ANKRD17: variants seen among roughly 807,000 people sequenced by gnomAD.
ANKRD17 encodes ankyrin repeat domain-containing protein 17.
ANKRD17 carries 19 observed loss-of-function variants against 229.7 expected under a neutral mutation model. The observed-to-expected ratio is 0.08, with a 90% CI of 0.06 to 0.12. ANKRD17 has a LOEUF of 0.12. Ranked by LOEUF, ANKRD17 falls within the 10% of genes least tolerant of loss-of-function variation. ANKRD17 has a pLI of 1.00. For synonymous variants in ANKRD17, 1,112 were observed against 1,146.1 expected (o/e 0.97, Z 0.60); for missense variants, 2,176 against 3,176.8 (o/e 0.68, Z 7.57).
intron 1 of ANKRD17, among the ~76,000 whole-genome samples, chr4:73,235,995 C>T (rs535908848): frequency 7.9e-5 from 12 of 152,060 alleles, no homozygotes; most frequent in Non-Finnish European, 1.5e-4. Flanking sequence ...TGAGCCACCA[C>T]GCCCAACCAT....
At chr4:73,202,009 A>C (rs1738733390) in intron 1 of ANKRD17, among the ~76,000 whole-genome samples, 3 of 152,186 alleles carry the variant, frequency 2.0e-5, no homozygotes, top group Admixed American at 2.0e-4. Flanking sequence ...CTAAACAGAA[A>C]GGGCTACAAA....
intron 24 of ANKRD17, among the ~76,000 whole-genome samples, chr4:73,108,893 T>C (rs1174625867): frequency 6.6e-6 from 1 of 152,106 alleles, no homozygotes. Flanking sequence ...CTGATGAGAA[T>C]GATTCAAGAG....
chr4:73,198,364 G>T (rs1738180088), intron 1 of ANKRD17, among the ~76,000 whole-genome samples: 1 of 152,008 alleles, frequency 6.6e-6, no homozygotes, highest in African/African-American at 2.4e-5. Context: ...TTGGTATACT[G>T]CAAAGTATAC....
chr4:73,097,987 C>T (rs1306946719), intron 26 of ANKRD17, 86 bp downstream of exon 26: 20 of 1,337,824 alleles, frequency 1.5e-5, no homozygotes, highest in Non-Finnish European at 2.0e-5. Flanking sequence ...TTGCAAGTTG[C>T]AAATTTACTT....
chr4:73,125,003 T>G lies in ANKRD17; in HGVS notation c.3402A>C (p.Ile1134=), dbSNP rs1323533306. ...ATAGHVGVVE[I]LLDNGADIEA... Reference sequence around the variant, plus strand: ...CAATGTCTGCACCATTGTCCAGCAATATTTCCACAACACCAACATGACCAG... The same window carrying G: ...CAATGTCTGCACCATTGTCCAGCAAGATTTCCACAACACCAACATGACCAG... The change falls in exon 18 of 34, where the codon ATA becomes ATC. Residue 1134 remains isoleucine, a synonymous_variant. Transcript: ENST00000358602. The G allele has an allele frequency of 7.4e-6, 12 of 1,614,048 alleles. No individual in the cohort carries two copies. The highest frequency in any genetic ancestry group is 9.3e-6 in the Non-Finnish European group (11 of 1,180,034).
intron 24 of ANKRD17, 77 bp downstream of exon 24, chr4:73,113,715 G>A (rs1030119158): frequency 2.6e-5 from 29 of 1,126,408 alleles, no homozygotes; most frequent in Non-Finnish European, 3.7e-5. Context: ...AAAACAAAAA[G>A]ACGGATTACA....
At position 73,073,661 on chromosome 4, in the gene ANKRD17, G is replaced by T. The variant is rs1720848053; in HGVS notation, c.*2570C>A. On this transcript the variant is annotated 3_prime_UTR_variant, in exon 34 of 34. Coordinates refer to ENST00000358602, the MANE Select transcript of ANKRD17 (RefSeq NM_032217.5). ...TTAATTTTCATGTATCAATAAAAAT[G>T]ACTTGACTTTTCAGTAATGGGAAAT... 6.6e-6 allele frequency: 1 copy of T among 152,104 alleles called. No individual in the cohort carries two copies. The highest frequency in any genetic ancestry group is 1.9e-4 in the East Asian group (1 of 5,186). 9.4% of individuals were successfully genotyped at this position (152,104 alleles called of 1,614,324 possible). A position where few individuals can be genotyped will look rare whatever the true frequency, so the allele number is the denominator to read the frequency against.
intron 14 of ANKRD17, 35 bp from the exon 15 acceptor site, chr4:73,140,318 T>C: frequency 2.0e-6 from 3 of 1,537,034 alleles, no homozygotes; most frequent in Non-Finnish European, 2.6e-6. Context: ...GAAGTGCACA[T>C]GAATGGCATC....
At position 73,177,178 on chromosome 4, in the gene ANKRD17, A is replaced by C. The variant is rs191393442; in HGVS notation, c.547+202T>G. ...CTCTCTTTGTAAGGTCAACTGTAGC[A>C]CATGGACTTTACTCTGGTAATGAAA... On this transcript the variant is annotated intron_variant, in intron 2 of 33. Coordinates refer to ENST00000358602, the MANE Select transcript of ANKRD17 (RefSeq NM_032217.5). Among the ~76,000 whole-genome samples the C allele has an allele frequency of 5.0e-3, 757 of 152,356 alleles. 2 individuals carry two copies. Among genetic ancestry groups the C allele is most frequent in the Admixed American group, 8.6e-3 (132 of 15,284 alleles).
intron 25 of ANKRD17, chr4:73,100,839 A>AACAC (rs569865613): frequency 2.5e-5 from 25 of 983,488 alleles, no homozygotes; most frequent in Non-Finnish European, 3.0e-5. Context: ...AACAAAACAA[A>AACAC]ACACACACAC....
chr4:73,085,144 A>G (rs1721986406), intron 30 of ANKRD17, 105 bp downstream of exon 30: 4 of 1,264,698 alleles, frequency 3.2e-6, no homozygotes, highest in Non-Finnish European at 4.4e-6. Flanking sequence ...TTCTAAGAGT[A>G]CAAATTACCT....
At chr4:73,080,433 G>T (rs948428085) in intron 30 of ANKRD17, among the ~76,000 whole-genome samples, 3 of 152,152 alleles carry the variant, frequency 2.0e-5, no homozygotes, top group Admixed American at 6.5e-5. Flanking sequence ...AGAAGTAAAA[G>T]AATATTTTAG....
intron 29 of ANKRD17, among the ~76,000 whole-genome samples, chr4:73,089,829 G>A (rs1305722386): frequency 1.3e-5 from 2 of 152,066 alleles, no homozygotes; most frequent in African/African-American, 4.8e-5. Flanking sequence ...TGTCCAATAT[G>A]GTAGCTACCA....
At chr4:73,185,443 A>C (rs1426899983) in intron 1 of ANKRD17, among the ~76,000 whole-genome samples, 1 of 151,990 alleles carries the variant, frequency 6.6e-6, no homozygotes, top group Non-Finnish European at 1.5e-5. Flanking sequence ...ATTTTAAAAC[A>C]AATAATCCCC....
At chr4:73,151,380 C>T (rs1325277985) in intron 7 of ANKRD17, 50 bp downstream of exon 7, 1 of 1,550,332 alleles carries the variant, frequency 6.5e-7, no homozygotes, top group Admixed American at 1.7e-5. Flanking sequence ...ACTACTCTGT[C>T]TCTCCCTGGT....
At chr4:73,120,117 T>C (rs1337034671) in intron 21 of ANKRD17, 45 bp downstream of exon 21, 1 of 1,552,694 alleles carries the variant, frequency 6.4e-7, no homozygotes, top group South Asian at 1.1e-5. Flanking sequence ...TGATAACCAC[T>C]AGTAACACTT....
chr4:73,191,961 T>A (rs1243919638), intron 1 of ANKRD17, among the ~76,000 whole-genome samples: 1 of 152,040 alleles, frequency 6.6e-6, no homozygotes. Flanking sequence ...AGACTATAAA[T>A]AACCCATATA....
In ANKRD17 at chr4:73,177,450, A is replaced by C; in HGVS notation, c.477T>G (p.Ala159=). The C allele has an allele frequency of 6.2e-7, 1 of 1,613,862 alleles. No homozygotes were observed. The highest frequency in any genetic ancestry group is 8.5e-7 in the Non-Finnish European group (1 of 1,179,784). Residue 159 remains alanine (A), a synonymous_variant, in exon 2 of 34, where the codon GCT becomes GCG. Coordinates refer to ENST00000358602, the MANE Select transcript of ANKRD17 (RefSeq NM_032217.5). ...TASKLLLSGT[A]DGADLRTVDP... ...CTACTGTCCTGAGGTCTGCACCATC[A>C]GCAGTACCTGATAAGAGCAACTTGG...
chr4:73,239,044 T>G (rs1743771279), intron 1 of ANKRD17, among the ~76,000 whole-genome samples: 1 of 152,130 alleles, frequency 6.6e-6, no homozygotes, highest in Non-Finnish European at 1.5e-5. Context: ...TTACTGGGGT[T>G]AAAATTATTC....
Sources: gnomAD v4.1 joint callset for allele counts (sites outside exome capture counted in the v4.1 genomes callset) on GRCh38, gnomAD v4.1.1 for gene constraint, MANE v1.5 for transcripts, NCBI Gene and HGNC (gene_info 2026-07-23, HGNC 2026-07-21) for gene names.